Variants in SLC2A11 observed in about 807,000 individuals in gnomAD.
SLC2A11 encodes the protein solute carrier family 2 member 11, also known as solute carrier family 2, facilitated glucose transporter member 11.
SLC2A11 carries 43 observed loss-of-function variants against 52.1 expected under a neutral mutation model. The ratio of observed to expected loss-of-function variants is 0.82; its 90% CI spans 0.65 to 1.06. SLC2A11 has a LOEUF of 1.06. Ranked by LOEUF, SLC2A11 falls within the 50% of genes least tolerant of loss-of-function variation. The pLI is 0.00. For missense variants in SLC2A11, 582 were observed against 654.2 expected, an observed-to-expected ratio of 0.89 and a Z score of 1.20; for synonymous variants, 261 against 277.6, an observed-to-expected ratio of 0.94 and a Z score of 0.59.
chr22:23,857,509 C>T (rs1160471414), upstream of SLC2A11: 1 of 1,613,802 alleles, frequency 6.2e-7, no homozygotes. Flanking sequence ...GAACTGGAGC[C>T]GTCCTTACGG....
chr22:23,870,210 A>G (rs2032405639), intron 3 of SLC2A11: 6 of 591,978 alleles, frequency 1.0e-5, no homozygotes, highest in Middle Eastern at 2.6e-4. Context: ...GGTAATAACT[A>G]TTGCGCGGCT....
At chr22:23,871,026 C>A (rs1351070305) in intron 3 of SLC2A11, 2 of 152,044 alleles carry the variant, frequency 1.3e-5, no homozygotes, top group African/African-American at 4.8e-5. Context: ...TTAAAAGATT[C>A]ACCCACTTAG....
intron 2 of SLC2A11, chr22:23,868,143 G>A: frequency 5.6e-6 from 2 of 355,176 alleles, no homozygotes; most frequent in South Asian, 7.1e-5. Context: ...TGTCCGGAGA[G>A]TTAGAGAATT....
intron 8 of SLC2A11, 187 bp downstream of exon 8, chr22:23,883,056 C>G (rs752483353): frequency 1.5e-6 from 1 of 679,200 alleles, no homozygotes; most frequent in Non-Finnish European, 2.7e-6. Context: ...GTCAGGAGTT[C>G]GAGACCAGCC....
chr22:23,873,332 C>CGCGTGTGT (rs1555886174), intron 3 of SLC2A11: 2 of 143,728 alleles, frequency 1.4e-5, no homozygotes, highest in Non-Finnish European at 3.0e-5. Context: ...TGTGTGTGCA[C>CGCGTGTGT]GCGTGTGTGT....
intron 3 of SLC2A11, chr22:23,869,021 T>G: frequency 5.0e-6 from 1 of 198,344 alleles, no homozygotes; most frequent in Non-Finnish European, 1.0e-5. Context: ...GCTGGAAGGA[T>G]AGTGGGGCAG....
rs186664746 is a variant in SLC2A11, at chr22:23,862,870, G to A, written c.129+668G>A. On this transcript the variant is annotated intron_variant, in intron 2 of 11. Transcript: ENST00000316185. The stretch of plus-strand genomic sequence containing the variant: ...ACTCCCAACCTCATGTGATCCGCCT[G>A]CCTCAGCCTCCCAAAGTACTGGGAT... Among the ~76,000 whole-genome samples, 43 of 152,274 alleles carry A rather than the reference G, an allele frequency of 2.8e-4. No homozygotes were observed. In the East Asian group the frequency reaches 7.9e-3, roughly 28 times the overall value.
chr22:23,884,228 G>A lies in SLC2A11; in HGVS notation c.1172-74G>A. 1 of 1,544,980 alleles carries A rather than the reference G, an allele frequency of 6.5e-7. No individual in the cohort carries two copies. The highest frequency in any genetic ancestry group is 1.2e-5 in the South Asian group (1 of 82,306). ...ACTGGGCCTGGGCTCCCACTCCCAT[G>A]TCTGGGCTGGGGTCGGGGAGAGGCA... is the stretch of plus-strand genomic sequence containing the variant. On this transcript the variant is annotated intron_variant, in intron 10 of 11. Transcript: ENST00000316185. This position sits in a 1 kb window ranked among gnomAD's most constrained non-coding sequence, Gnocchi z 4.3.
intron 1 of SLC2A11, among the ~76,000 whole-genome samples, chr22:23,858,864 G>C (rs2031953550): frequency 6.6e-6 from 1 of 152,290 alleles, no homozygotes; most frequent in South Asian, 2.1e-4. Flanking sequence ...GGAAAGCTCT[G>C]ACAGCTCATG....
Position 23,884,033 on chromosome 22 carries a change from G to T in SLC2A11, c.1171+9G>T, listed in dbSNP as rs759962619. The T allele has an allele frequency of 2.5e-6, 4 of 1,610,100 alleles. No homozygotes were observed. The South Asian group carries it at 4.4e-5, about 18-fold the overall frequency. Reference sequence around the variant, plus strand: ...CTTTGGCATTGGCCCTGGTGAGTGGGCCCAAGGGGCTCTGGGCATCCATCA... The same window carrying T: ...CTTTGGCATTGGCCCTGGTGAGTGGTCCCAAGGGGCTCTGGGCATCCATCA... On this transcript the variant is annotated intron_variant, in intron 10 of 11. Coordinates refer to ENST00000316185, the MANE Select transcript of SLC2A11 (RefSeq NM_001024939.4). This position sits in a 1 kb window ranked among gnomAD's most constrained non-coding sequence, Gnocchi z 4.3.
intron 5 of SLC2A11, 21 bp from the exon 6 acceptor site, chr22:23,877,700 G>T (rs768171481): frequency 6.4e-7 from 1 of 1,558,838 alleles, no homozygotes; most frequent in Non-Finnish European, 8.7e-7. Context: ...ATCTGGCCTG[G>T]CCTCTCCTCT....
At position 23,877,031 on chromosome 22, in the gene SLC2A11, C is replaced by T. The variant is rs990024311; in HGVS notation, c.416-11C>T. ...TGGTGGCTGACGTGCCTCTGCTGTG[C>T]ACACGTCCAGGTGTGAGCATGAACA... On this transcript the variant is annotated splice_polypyrimidine_tract_variant and intron_variant, in intron 4 of 11. Transcript: ENST00000316185. 10 of 1,613,848 alleles carry T rather than the reference C, an allele frequency of 6.2e-6. No homozygotes were observed. Among genetic ancestry groups the T allele is most frequent in the South Asian group, 1.1e-5 (1 of 91,088 alleles).
intron 3 of SLC2A11, chr22:23,870,234 T>C: frequency 1.8e-6 from 1 of 560,910 alleles, no homozygotes; most frequent in East Asian, 3.0e-5. Flanking sequence ...TCATGATACC[T>C]GGTACAGTTG....
chr22:23,863,546 G>A (rs2032148749), intron 2 of SLC2A11, among the ~76,000 whole-genome samples: 1 of 151,194 alleles, frequency 6.6e-6, no homozygotes, highest in Non-Finnish European at 1.5e-5. Flanking sequence ...AGGGAGAGCT[G>A]CAGGAACCAG....
chr22:23,861,356 G>T (rs117678721), intron 1 of SLC2A11, among the ~76,000 whole-genome samples: 1 of 147,320 alleles, frequency 6.8e-6, no homozygotes, highest in Admixed American at 6.8e-5. Context: ...TGAGGCATCA[G>T]GGATGCCTTG....
In SLC2A11 at chr22:23,884,240, G is replaced by T; in HGVS notation, c.1172-62G>T. ...CTCCCACTCCCATGTCTGGGCTGGG[G>T]TCGGGGAGAGGCAGGCAGGGAACCC... is the stretch of plus-strand genomic sequence containing the variant. On this transcript the variant is annotated intron_variant, in intron 10 of 11. Transcript: ENST00000316185. This position sits in a 1 kb window ranked among gnomAD's most constrained non-coding sequence, Gnocchi z 4.3. 1 of 1,566,042 alleles carries T rather than the reference G, an allele frequency of 6.4e-7. No homozygotes were observed.
chr22:23,863,607 G>GTTTTTTTTTTTTTTTTTTTTTTTTTTT (rs1568985269), intron 2 of SLC2A11, among the ~76,000 whole-genome samples: 1 of 113,168 alleles, frequency 8.8e-6, no homozygotes, highest in African/African-American at 3.2e-5. Context: ...CTCTCTCTCT[G>GTTTTTTTTTTTTTTTTTTTTTTTTTTT]GTTTTTTTTT....
chr22:23,875,080 C>T (rs1449035909), intron 3 of SLC2A11, 37 bp from the exon 4 acceptor site: 1 of 1,513,872 alleles, frequency 6.6e-7, no homozygotes, highest in East Asian at 2.4e-5. Context: ...TGGACTGAAT[C>T]ACAGCCTCTC....
chr22:23,882,291 T>A, intron 6 of SLC2A11, 168 bp from the exon 7 acceptor site: 1 of 538,340 alleles, frequency 1.9e-6, no homozygotes, highest in Non-Finnish European at 3.1e-6. Context: ...GACAGAGAGA[T>A]TGAGAGAGAC....
Sources: allele counts gnomAD v4.1 joint callset (sites outside exome capture counted in the v4.1 genomes callset), GRCh38; gene constraint gnomAD v4.1.1; non-coding constraint Gnocchi (gnomAD v3.1); transcripts MANE v1.5; gene names NCBI Gene and HGNC (gene_info 2026-07-23, HGNC 2026-07-21).